The following DLG1 variants were observed in gnomAD, a reference collection of about 807,000 sequenced individuals.
DLG1 encodes the protein discs large MAGUK scaffold protein 1, also known as disks large homolog 1.
DLG1 carries 42 observed loss-of-function variants against 123.4 expected under a neutral mutation model. The ratio of observed to expected loss-of-function variants is 0.34; its 90% CI spans 0.27 to 0.44. The LOEUF (loss-of-function observed/expected upper bound fraction) is 0.44, where lower values mean the gene tolerates loss of function less well. Ranked by LOEUF, DLG1 falls within the 20% of genes least tolerant of loss-of-function variation. The pLI is 1.00. For synonymous variants in DLG1, 317 were observed against 356.2 expected, an observed-to-expected ratio of 0.89 and a Z score of 1.24; for missense variants, 942 against 1,082.6, an observed-to-expected ratio of 0.87 and a Z score of 1.82.
chr3:197,173,907 C>G (rs1805627955), intron 5 of DLG1, among the ~76,000 whole-genome samples: 1 of 152,130 alleles, frequency 6.6e-6, no homozygotes, highest in South Asian at 2.1e-4. Flanking sequence ...AGTTCAAGAC[C>G]AGCCTGGCCA....
rs747276296 is a variant in DLG1 at position 197,104,918 on chromosome 3, G to T, written c.1531C>A (p.Gln511Lys). 2.4e-5 allele frequency: 38 copies of T among 1,611,420 alleles called. No homozygotes were observed. Among genetic ancestry groups the T allele is most frequent in the Non-Finnish European group, 3.2e-5 (38 of 1,178,144 alleles). Residue 511 changes from glutamine to lysine, a missense_variant, in exon 14 of 25, where the codon CAA (glutamine) becomes AAA (lysine). Coordinates refer to ENST00000667157, the MANE Select transcript of DLG1 (RefSeq NM_001366207.1). ...ATGTTATTACCTTCAGGTCGATATT[G>T]TGCAACAATTGTGACAGCCTGGCCA... ...NAGQAVTIVA[Q>K]YRPEEYSRFE... is the part of the protein sequence containing the mutation.
intron 4 of DLG1, among the ~76,000 whole-genome samples, chr3:197,264,406 T>C (rs1055019222): frequency 6.6e-6 from 1 of 152,194 alleles, no homozygotes; most frequent in African/African-American, 2.4e-5. Flanking sequence ...CAATACTCGT[T>C]GGAGCATTTC....
At chr3:197,294,474 G>A (rs1170175768) in intron 3 of DLG1, among the ~76,000 whole-genome samples, 1 of 151,918 alleles carries the variant, frequency 6.6e-6, no homozygotes, top group Non-Finnish European at 1.5e-5. Flanking sequence ...GTGAAACCCC[G>A]TCTTTACTAA....
intron 4 of DLG1, among the ~76,000 whole-genome samples, chr3:197,253,497 T>TA (rs955962837): frequency 6.6e-5 from 10 of 152,134 alleles, no homozygotes; most frequent in South Asian, 2.1e-4. Flanking sequence ...GCAGTTTCTT[T>TA]AAAAAAACAA....
chr3:197,198,751 A>T (rs1040795491), intron 4 of DLG1, among the ~76,000 whole-genome samples: 1 of 152,162 alleles, frequency 6.6e-6, no homozygotes, highest in Non-Finnish European at 1.5e-5. Flanking sequence ...CAACATGAGG[A>T]CCATAATAAA....
intron 5 of DLG1, among the ~76,000 whole-genome samples, chr3:197,191,367 C>T (rs1364457906): frequency 2.0e-5 from 3 of 152,076 alleles, no homozygotes; most frequent in Admixed American, 6.5e-5. Flanking sequence ...GCATTTTAGG[C>T]AACAACGGAA....
At chr3:197,201,161 ATC>A (rs1475243770) in intron 4 of DLG1, among the ~76,000 whole-genome samples, 2 of 152,174 alleles carry the variant, frequency 1.3e-5, no homozygotes, top group South Asian at 2.1e-4. Context: ...AGGCGGGAGG[ATC>A]ACGAGGTCAG....
intron 4 of DLG1, among the ~76,000 whole-genome samples, chr3:197,195,552 A>G (rs1722033364): frequency 2.0e-5 from 3 of 152,230 alleles, no homozygotes; most frequent in Non-Finnish European, 4.4e-5. Flanking sequence ...CAGCCATAAA[A>G]AAGAATTAAA....
intron 4 of DLG1, among the ~76,000 whole-genome samples, chr3:197,196,171 CAAAAAAAAAAAAAAAA>C (rs71162001): frequency 1.1e-5 from 1 of 88,714 alleles, no homozygotes; most frequent in Admixed American, 1.4e-4. Context: ...AAATGCACAC[CAAAAAAAAAAAAAAAA>C]AAAAAAAAAG....
At chr3:197,190,720 G>A (rs144407901) in intron 5 of DLG1, among the ~76,000 whole-genome samples, 5 of 152,250 alleles carry the variant, frequency 3.3e-5, no homozygotes, top group African/African-American at 1.2e-4. Flanking sequence ...CTGCTAAAAG[G>A]GTTTTGTCGG....
chr3:197,091,314 A>T (rs1249127489), intron 14 of DLG1, among the ~76,000 whole-genome samples: 1 of 152,076 alleles, frequency 6.6e-6, no homozygotes, highest in African/African-American at 2.4e-5. Flanking sequence ...ATCAGACAGC[A>T]GTAATCTTAT....
chr3:197,225,180 G>A (rs901373022), intron 4 of DLG1, among the ~76,000 whole-genome samples: 1 of 152,156 alleles, frequency 6.6e-6, no homozygotes, highest in Non-Finnish European at 1.5e-5. Flanking sequence ...GGACGGTCTC[G>A]ATCTCCTGAC....
At chr3:197,064,352 C>T (rs546751213) in intron 22 of DLG1, among the ~76,000 whole-genome samples, 3 of 152,202 alleles carry the variant, frequency 2.0e-5, no homozygotes, top group Non-Finnish European at 4.4e-5. Flanking sequence ...ACTGCCAAGC[C>T]TGGCTAATTT....
At chr3:197,214,668 C>T (rs980727221) in intron 4 of DLG1, among the ~76,000 whole-genome samples, 1 of 151,836 alleles carries the variant, frequency 6.6e-6, no homozygotes, top group Admixed American at 6.6e-5. Flanking sequence ...AAAGAAAATG[C>T]CAACTAGTTT....
chr3:197,069,228 T>C lies in DLG1; in HGVS notation c.2038A>G (p.Ser680Gly). 1 of 1,591,376 alleles carries C rather than the reference T, an allele frequency of 6.3e-7. No homozygotes were observed. The highest frequency in any genetic ancestry group is 8.6e-7 in the Non-Finnish European group (1 of 1,168,268). The change falls in exon 19 of 25, where the codon AGT becomes GGT. Residue 680 changes from serine to glycine, a missense_variant. Transcript: ENST00000667157. ...AACTTAAAACACTTACGGTAACTAC[T>C]TTCACTATCGCTGGCATTAGAAGTT... ...HVTSNASDSESSYRGQEEYVL... is the reference protein window; with the variant it reads ...HVTSNASDSEGSYRGQEEYVL...
At chr3:197,088,648 A>T (rs947121142) in intron 15 of DLG1, among the ~76,000 whole-genome samples, 1 of 152,260 alleles carries the variant, frequency 6.6e-6, no homozygotes, top group African/African-American at 2.4e-5. Context: ...GCACGTTTAC[A>T]GAGGAACTAG....
At chr3:197,111,837 G>A (rs1433852713) in intron 13 of DLG1, among the ~76,000 whole-genome samples, 1 of 152,142 alleles carries the variant, frequency 6.6e-6, no homozygotes, top group Non-Finnish European at 1.5e-5. Flanking sequence ...TTCAGTAGTT[G>A]TTCCTTTTAA....
intron 14 of DLG1, among the ~76,000 whole-genome samples, chr3:197,101,393 T>C (rs953230611): frequency 6.6e-6 from 1 of 151,746 alleles, no homozygotes; most frequent in Non-Finnish European, 1.5e-5. Context: ...GGAGATTCTT[T>C]TTTTTTTTTT....
intron 22 of DLG1, among the ~76,000 whole-genome samples, chr3:197,063,226 A>C (rs900842270): frequency 3.7e-4 from 55 of 150,612 alleles, no homozygotes; most frequent in Non-Finnish European, 1.3e-4. Flanking sequence ...AGGTTTATTT[A>C]GTTTCTACTT....
Sources: allele counts gnomAD v4.1 joint callset (sites outside exome capture counted in the v4.1 genomes callset), GRCh38; gene constraint gnomAD v4.1.1; transcripts MANE v1.5; gene names NCBI Gene and HGNC (gene_info 2026-07-23, HGNC 2026-07-21).